The following CYFIP2 variants were observed in gnomAD, a reference collection of about 807,000 sequenced individuals.
CYFIP2 encodes cytoplasmic FMR1 interacting protein 2, also known as cytoplasmic FMR1-interacting protein 2.
Under a neutral mutation model 158.7 loss-of-function variants are expected in CYFIP2, and 29 were observed. The ratio of observed to expected loss-of-function variants is 0.18; its 90% CI spans 0.14 to 0.25. The LOEUF (loss-of-function observed/expected upper bound fraction) is 0.25, where lower values mean the gene tolerates loss of function less well. CYFIP2 is among the 10% of genes least tolerant of loss of function. The pLI, the probability that CYFIP2 is intolerant of heterozygous loss-of-function variation, is 1.00. For missense variants in CYFIP2, 852 were observed against 1,639.5 expected, an observed-to-expected ratio of 0.52 and a Z score of 8.29; for synonymous variants, 585 against 617.6, an observed-to-expected ratio of 0.95 and a Z score of 0.78.
intron 9 of CYFIP2, 31 bp downstream of exon 9, chr5:157,307,896 G>A (rs1237919204): frequency 2.3e-6 from 3 of 1,312,584 alleles, no homozygotes; most frequent in Non-Finnish European, 3.3e-6. Flanking sequence ...CTGGGCAGAG[G>A]GCTGAGGTTA....
Position 157,390,596 on chromosome 5 carries a change from C to G in CYFIP2, c.3522C>G (p.Asp1174Glu). ...IVLLGQQRRF[D>E]LFDFCYHLLK... ...TGCTGGGCCAGCAGCGTCGCTTTGA[C>G]CTGTTCGACTTCTGTTACCACCTGC... is the stretch of plus-strand genomic sequence containing the variant. The change falls in exon 30 of 31, where the codon GAC becomes GAG. Residue 1174 changes from aspartate (D) to glutamate (E), a missense_variant. Transcript: ENST00000620254. 2 of 1,567,058 alleles carry G rather than the reference C, an allele frequency of 1.3e-6. No individual in the cohort carries two copies. Among genetic ancestry groups the G allele is most frequent in the Admixed American group, 1.9e-5 (1 of 52,278 alleles).
In CYFIP2 at chr5:157,307,747, T is replaced by C; in HGVS notation, c.796-14T>C. 6.4e-7 allele frequency: 1 copy of C among 1,558,106 alleles called. No individual in the cohort carries two copies. Among genetic ancestry groups the C allele is most frequent in the Non-Finnish European group, 8.8e-7 (1 of 1,133,156 alleles). ...TGTGATTAGTTTCTATGCTCTGCCC[T>C]CTTCTCATTCTAGGTGATGGGCTTT... On this transcript the variant is annotated splice_polypyrimidine_tract_variant and intron_variant, in intron 8 of 30. Transcript: ENST00000620254.
chr5:157,335,406 T>G (rs988506920), intron 21 of CYFIP2, among the ~76,000 whole-genome samples: 1 of 152,198 alleles, frequency 6.6e-6, no homozygotes, highest in Non-Finnish European at 1.5e-5. Flanking sequence ...GCCTCCTGAG[T>G]AGCTGGGACT....
chr5:157,330,887 G>A (rs567759548), intron 20 of CYFIP2, 37 bp downstream of exon 20: 2 of 1,476,358 alleles, frequency 1.4e-6, no homozygotes, highest in Non-Finnish European at 1.9e-6. Context: ...GATGGAAGGG[G>A]CAGGAGAGAG....
intron 23 of CYFIP2, among the ~76,000 whole-genome samples, chr5:157,352,318 A>G (rs1397008439): frequency 1.3e-5 from 2 of 152,118 alleles, no homozygotes; most frequent in African/African-American, 2.4e-5. Flanking sequence ...GTTAAATCAT[A>G]TCCTTAGGAC....
intron 26 of CYFIP2, among the ~76,000 whole-genome samples, 166 bp from the exon 27 acceptor site, chr5:157,382,422 TAA>T (rs1279612033): frequency 6.6e-6 from 1 of 152,176 alleles, no homozygotes; most frequent in Admixed American, 6.5e-5. Context: ...TGCAGATAGA[TAA>T]AAAGACTCAG....
intron 4 of CYFIP2, 93 bp downstream of exon 4, chr5:157,294,953 C>A: frequency 1.9e-6 from 2 of 1,028,942 alleles, no homozygotes; most frequent in Non-Finnish European, 2.9e-6. Context: ...GCTTTTCTTT[C>A]CACGTGGTAG....
chr5:157,339,440 A>G (rs1186930535), intron 22 of CYFIP2, among the ~76,000 whole-genome samples, 184 bp downstream of exon 22: 1 of 135,594 alleles, frequency 7.4e-6, no homozygotes, highest in Non-Finnish European at 1.5e-5. Flanking sequence ...TGACAGTTGA[A>G]TGTGGTTAAC....
intron 26 of CYFIP2, among the ~76,000 whole-genome samples, chr5:157,362,365 C>T (rs1401208902): frequency 6.6e-6 from 1 of 152,190 alleles, no homozygotes; most frequent in Admixed American, 6.5e-5. Flanking sequence ...TGAAAAAGAA[C>T]TCTGGTTCAT....
intron 1 of CYFIP2, among the ~76,000 whole-genome samples, chr5:157,269,175 C>T (rs941985317): frequency 4.6e-5 from 7 of 151,770 alleles, no homozygotes; most frequent in Admixed American, 1.3e-4. Context: ...CCAAGTTTAC[C>T]GGCCGAAGGA....
At chr5:157,316,113 T>TA (rs997403504) in intron 13 of CYFIP2, among the ~76,000 whole-genome samples, 5 of 151,650 alleles carry the variant, frequency 3.3e-5, no homozygotes, top group African/African-American at 1.2e-4. Flanking sequence ...AAATAAAAAG[T>TA]AAAAAAATAT....
chr5:157,379,970 A>G (rs1249671365), intron 26 of CYFIP2: 2 of 152,210 alleles, frequency 1.3e-5, no homozygotes, highest in African/African-American at 4.8e-5. Flanking sequence ...TTATTTAAAG[A>G]TAATTTGACA....
chr5:157,304,403 G>C, intron 8 of CYFIP2, 37 bp downstream of exon 8: 1 of 1,577,752 alleles, frequency 6.3e-7, no homozygotes, highest in East Asian at 2.3e-5. Context: ...TGGAGCCTGG[G>C]CTTACCCTCT....
intron 23 of CYFIP2, among the ~76,000 whole-genome samples, chr5:157,346,047 C>T (rs1762665033): frequency 6.6e-6 from 1 of 152,188 alleles, no homozygotes; most frequent in African/African-American, 2.4e-5. Context: ...TCCCAACTGC[C>T]TACCCCACCT....
chr5:157,372,506 A>C (rs1200505555), intron 26 of CYFIP2, among the ~76,000 whole-genome samples: 1 of 152,166 alleles, frequency 6.6e-6, no homozygotes, highest in African/African-American at 2.4e-5. Flanking sequence ...TCAAAAAGTT[A>C]AGAAGGAAAG....
chr5:157,296,360 G>T (rs1316964120), intron 4 of CYFIP2: 1 of 380,668 alleles, frequency 2.6e-6, no homozygotes, highest in Admixed American at 2.9e-5. Flanking sequence ...TTGGGAGGCT[G>T]AGGTGGGAGG....
chr5:157,278,878 C>G (rs539249294), intron 1 of CYFIP2, among the ~76,000 whole-genome samples: 2 of 152,182 alleles, frequency 1.3e-5, no homozygotes, highest in Non-Finnish European at 2.9e-5. Flanking sequence ...CCTGAGTCAG[C>G]ATAATAAGCA....
chr5:157,390,723 T>G (rs1005622982), intron 30 of CYFIP2, 55 bp downstream of exon 30: 126 of 1,552,322 alleles, frequency 8.1e-5, no homozygotes, highest in Non-Finnish European at 1.0e-4. Context: ...ACAACCAGGC[T>G]TTTACCAGAA....
At chr5:157,313,152 A>G (rs899704127) in intron 11 of CYFIP2, among the ~76,000 whole-genome samples, 1 of 152,272 alleles carries the variant, frequency 6.6e-6, no homozygotes, top group African/African-American at 2.4e-5. Context: ...ACTCTGAAGT[A>G]GCAAATACTG....
Sources: gnomAD v4.1 joint callset for allele counts (sites outside exome capture counted in the v4.1 genomes callset) on GRCh38, gnomAD v4.1.1 for gene constraint, MANE v1.5 for transcripts, NCBI Gene and HGNC (gene_info 2026-07-23, HGNC 2026-07-21) for gene names.